NRXN3: variants seen among roughly 807,000 people sequenced by gnomAD.
NRXN3 encodes neurexin 3, also known as neurexin III.
A neutral mutation model predicts 137.6 loss-of-function variants in NRXN3; 32 were observed. The observed-to-expected ratio is 0.23, with a 90% CI of 0.18 to 0.31. NRXN3 has a LOEUF of 0.31. Ranked by LOEUF, NRXN3 falls within the 10% of genes least tolerant of loss-of-function variation. NRXN3 has a pLI of 1.00. For synonymous variants in NRXN3, 798 were observed against 784.5 expected (o/e 1.02, Z -0.29); for missense variants, 1,574 against 2,062.5 (o/e 0.76, Z 4.59).
At chr14:79,364,461 A>C (rs2093801169) in intron 15 of NRXN3, among the ~76,000 whole-genome samples, 1 of 152,216 alleles carries the variant, frequency 6.6e-6, no homozygotes. Flanking sequence ...CATAACTCAA[A>C]GGCAAGTAAT....
chr14:78,497,734 A>G (rs150527643), intron 4 of NRXN3, among the ~76,000 whole-genome samples: 1 of 152,320 alleles, frequency 6.6e-6, no homozygotes, highest in East Asian at 1.9e-4. Context: ...GGTTAGATAT[A>G]TAGGCTGTAT....
chr14:79,407,874 G>A (rs1011656395), intron 15 of NRXN3, among the ~76,000 whole-genome samples: 9 of 151,958 alleles, frequency 5.9e-5, no homozygotes, highest in South Asian at 2.1e-4. Context: ...ATGGAACTTC[G>A]GGTGTTCATT....
chr14:78,852,632 T>C (rs2099045692), intron 10 of NRXN3, among the ~76,000 whole-genome samples: 1 of 152,178 alleles, frequency 6.6e-6, no homozygotes, highest in Admixed American at 6.6e-5. Context: ...GAATTTCTGG[T>C]TAGGTGTGAC....
At chr14:78,917,223 C>A (rs1024557079) in intron 10 of NRXN3, among the ~76,000 whole-genome samples, 12 of 152,138 alleles carry the variant, frequency 7.9e-5, no homozygotes, top group African/African-American at 2.2e-4. Context: ...AAAAGGTATA[C>A]TGTTTCCAGG....
At chr14:78,579,060 G>A (rs1418976360) in intron 4 of NRXN3, among the ~76,000 whole-genome samples, 1 of 152,144 alleles carries the variant, frequency 6.6e-6, no homozygotes, top group Non-Finnish European at 1.5e-5. Flanking sequence ...AGAGGGTTTA[G>A]GTATTCTGTG....
At chr14:79,693,883 G>A (rs894973557) in intron 18 of NRXN3, among the ~76,000 whole-genome samples, 5 of 151,960 alleles carry the variant, frequency 3.3e-5, no homozygotes, top group South Asian at 2.1e-4. Flanking sequence ...TTTGCAAACC[G>A]TGAGTTTCTC....
chr14:78,342,860 A>G (rs2082287550), intron 4 of NRXN3, among the ~76,000 whole-genome samples: 1 of 152,162 alleles, frequency 6.6e-6, no homozygotes, highest in Non-Finnish European at 1.5e-5. Flanking sequence ...ATATGCTTAA[A>G]AACAGGGGGT....
chr14:79,303,191 A>G (rs1212533511), intron 15 of NRXN3, among the ~76,000 whole-genome samples: 2 of 152,056 alleles, frequency 1.3e-5, no homozygotes, highest in South Asian at 2.1e-4. Context: ...TACAAGCAGT[A>G]TAAAGACGCA....
At chr14:79,650,368 T>C (rs115225806) in intron 16 of NRXN3, among the ~76,000 whole-genome samples, 2,245 of 152,310 alleles carry the variant, frequency 0.015, 52 homozygotes, top group African/African-American at 0.05. Flanking sequence ...AACCATGTGC[T>C]TCTTTCTCAT....
At position 78,829,523 on chromosome 14, in the gene NRXN3, T is replaced by C. The variant is rs188976123; in HGVS notation, c.2275+19179T>C. Among the ~76,000 whole-genome samples, 23 of 152,078 alleles carry C rather than the reference T, an allele frequency of 1.5e-4. No individual in the cohort carries two copies. The East Asian group carries it at 2.3e-3, about 15-fold the overall frequency. Reference sequence around the variant, plus strand: ...CAATTGCTAAATCGGGTAAAATAGCTCAACTATTAGTTTCACTATGGATGT... The same window carrying C: ...CAATTGCTAAATCGGGTAAAATAGCCCAACTATTAGTTTCACTATGGATGT... On this transcript the variant is annotated intron_variant, in intron 10 of 20. Coordinates refer to ENST00000335750, the MANE Select transcript of NRXN3 (RefSeq NM_001330195.2).
intron 15 of NRXN3, among the ~76,000 whole-genome samples, chr14:79,347,848 G>A (rs2092976260): frequency 6.6e-6 from 1 of 152,166 alleles, no homozygotes; most frequent in South Asian, 2.1e-4. Flanking sequence ...AGAAATATGT[G>A]GAAAGCATTC....
At chr14:78,275,220 G>A (rs1256229222) in intron 2 of NRXN3, among the ~76,000 whole-genome samples, 6 of 152,014 alleles carry the variant, frequency 3.9e-5, no homozygotes, top group Non-Finnish European at 7.4e-5. Context: ...TTGACATTAT[G>A]TATCTGTTTT....
At position 79,066,227 on chromosome 14, in the gene NRXN3, A is replaced by C. The variant is rs531652087; in HGVS notation, c.3262+78086A>C. Among the ~76,000 whole-genome samples, 115 of 152,274 alleles carry C rather than the reference A, an allele frequency of 7.6e-4. 1 individual carries two copies. Among genetic ancestry groups the C allele is most frequent in the African/African-American group, 2.8e-3 (115 of 41,546 alleles). On this transcript the variant is annotated intron_variant, in intron 15 of 20. Coordinates refer to ENST00000335750, the MANE Select transcript of NRXN3 (RefSeq NM_001330195.2). ...CATATGGCTAGCTAGTTCTCCCAGC[A>C]CAATTTATTAATTAGGGAATCCTTT...
intron 15 of NRXN3, among the ~76,000 whole-genome samples, chr14:79,419,520 T>C (rs1226041314): frequency 6.6e-6 from 1 of 152,128 alleles, no homozygotes; most frequent in Non-Finnish European, 1.5e-5. Flanking sequence ...CTGCTAGATA[T>C]TGGTAGAAAA....
chr14:78,597,164 G>T (rs149576619), intron 4 of NRXN3, among the ~76,000 whole-genome samples: 1 of 152,218 alleles, frequency 6.6e-6, no homozygotes, highest in Non-Finnish European at 1.5e-5. Context: ...TCGGGGATGA[G>T]GTGGTCTGAG....
chr14:78,424,433 T>C (rs548892658), intron 4 of NRXN3, among the ~76,000 whole-genome samples: 1 of 152,332 alleles, frequency 6.6e-6, no homozygotes, highest in East Asian at 1.9e-4. Context: ...AGGAAGTATC[T>C]GGACAGACTG....
chr14:78,615,670 C>G (rs974560177), intron 4 of NRXN3, among the ~76,000 whole-genome samples: 4 of 152,012 alleles, frequency 2.6e-5, no homozygotes, highest in African/African-American at 7.3e-5. Flanking sequence ...TACAGTGGCT[C>G]AGGCCTGTGA....
At chr14:79,790,996 A>G (rs894363047) in intron 19 of NRXN3, among the ~76,000 whole-genome samples, 3 of 152,118 alleles carry the variant, frequency 2.0e-5, no homozygotes, top group East Asian at 3.9e-4. Context: ...ACTCATTACT[A>G]TGGGGAGGGC....
At chr14:78,812,033 T>C (rs541959774) in intron 10 of NRXN3, among the ~76,000 whole-genome samples, 3 of 152,320 alleles carry the variant, frequency 2.0e-5, no homozygotes, top group Non-Finnish European at 2.9e-5. Flanking sequence ...TTTATTGAGA[T>C]ACAATTTTCA....
Sources: allele counts gnomAD v4.1 joint callset (sites outside exome capture counted in the v4.1 genomes callset), GRCh38; gene constraint gnomAD v4.1.1; transcripts MANE v1.5; gene names NCBI Gene and HGNC (gene_info 2026-07-23, HGNC 2026-07-21).